The following HSPA12A variants were observed in gnomAD, a reference collection of about 807,000 sequenced individuals.
HSPA12A encodes heat shock 70 kDa protein 12A.
In HSPA12A, 28 loss-of-function variants were observed where a neutral mutation model predicts 69.2. That is an observed-to-expected ratio of 0.40 (90% confidence interval 0.30 to 0.55). The LOEUF (loss-of-function observed/expected upper bound fraction) is 0.55, where lower values mean the gene tolerates loss of function less well. HSPA12A is among the 20% of genes least tolerant of loss of function. The pLI, the probability that HSPA12A is intolerant of heterozygous loss-of-function variation, is 0.38. For missense variants in HSPA12A, 686 were observed against 900.7 expected (o/e 0.76, Z 3.05); for synonymous variants, 345 against 370.5 (o/e 0.93, Z 0.79).
intron 1 of HSPA12A, among the ~76,000 whole-genome samples, chr10:116,849,221 G>A (rs1223696689): frequency 6.6e-6 from 1 of 152,236 alleles, no homozygotes; most frequent in African/African-American, 2.4e-5. Flanking sequence ...TCGGAGCTAA[G>A]GCTGCCGCGC....
chr10:116,810,671 T>C (rs576251411), intron 2 of HSPA12A, among the ~76,000 whole-genome samples: 10 of 152,144 alleles, frequency 6.6e-5, no homozygotes, highest in Non-Finnish European at 1.5e-4. Flanking sequence ...CATGCAAAAA[T>C]TCTGGCCCCC....
chr10:116,748,595 G>A (rs1238846240), intron 2 of HSPA12A, among the ~76,000 whole-genome samples: 9 of 152,180 alleles, frequency 5.9e-5, no homozygotes, highest in African/African-American at 1.9e-4. Flanking sequence ...AAGAAAAAGA[G>A]GTTTGATGGA....
intron 1 of HSPA12A, among the ~76,000 whole-genome samples, chr10:116,739,452 C>T (rs967345945): frequency 1.3e-5 from 2 of 152,144 alleles, no homozygotes; most frequent in African/African-American, 4.8e-5. Context: ...TGCCAGGCCT[C>T]GAGAGATACC....
intron 1 of HSPA12A, among the ~76,000 whole-genome samples, chr10:116,838,404 C>T (rs1227926948): frequency 6.6e-6 from 1 of 151,932 alleles, no homozygotes; most frequent in African/African-American, 2.4e-5. Context: ...AGTTTTAACA[C>T]CGTTTCACCA....
intron 2 of HSPA12A, among the ~76,000 whole-genome samples, chr10:116,816,840 G>A (rs1040384006): frequency 1.3e-5 from 2 of 152,064 alleles, no homozygotes; most frequent in Non-Finnish European, 2.9e-5. Flanking sequence ...GTTACAAAAC[G>A]CTTCCAACAA....
At chr10:116,778,620 G>C (rs898350647) in intron 2 of HSPA12A, among the ~76,000 whole-genome samples, 1 of 152,332 alleles carries the variant, frequency 6.6e-6, no homozygotes, top group Admixed American at 6.5e-5. Context: ...GAAAGTCCAG[G>C]CTGGGCATGG....
At chr10:116,828,270 T>C (rs1845547819) in intron 2 of HSPA12A, among the ~76,000 whole-genome samples, 1 of 152,232 alleles carries the variant, frequency 6.6e-6, no homozygotes, top group Non-Finnish European at 1.5e-5. Context: ...ACCAAATGAC[T>C]TGGCAGTTCC....
At chr10:116,846,940 A>C (rs1275436973) in intron 1 of HSPA12A, among the ~76,000 whole-genome samples, 3 of 152,036 alleles carry the variant, frequency 2.0e-5, no homozygotes, top group Admixed American at 1.3e-4. Context: ...CCTTCCCTTT[A>C]TGTCCTAAAT....
intron 1 of HSPA12A, among the ~76,000 whole-genome samples, chr10:116,839,604 T>TA (rs59427633): frequency 0.15 from 8,833 of 58,948 alleles, 843 homozygotes; most frequent in Non-Finnish European, 0.2. Flanking sequence ...ATGCCTACCG[T>TA]AAAAAAAAAA....
intron 2 of HSPA12A, among the ~76,000 whole-genome samples, chr10:116,771,808 G>A (rs1459415130): frequency 2.0e-5 from 3 of 152,212 alleles, no homozygotes; most frequent in African/African-American, 7.2e-5. Context: ...TGGTGAGAGT[G>A]CACCCCCAAG....
At chr10:116,678,580 C>T (rs1301412498) in intron 10 of HSPA12A, among the ~76,000 whole-genome samples, 2 of 20,318 alleles carry the variant, frequency 9.8e-5, no homozygotes, top group Non-Finnish European at 9.9e-5. Context: ...GATGTTGGTA[C>T]AAAGTGAAAA....
At chr10:116,699,919 T>C (rs1290009466) in intron 4 of HSPA12A, among the ~76,000 whole-genome samples, 3 of 152,260 alleles carry the variant, frequency 2.0e-5, no homozygotes, top group Non-Finnish European at 2.9e-5. Flanking sequence ...GCTGCTGAGT[T>C]TCCCACTTAT....
intron 2 of HSPA12A, among the ~76,000 whole-genome samples, chr10:116,819,195 T>C (rs78491714): frequency 0.013 from 1,956 of 152,316 alleles, 34 homozygotes; most frequent in African/African-American, 0.041. Context: ...CAGCCTTTGC[T>C]TTCCTTTCTG....
At chr10:116,837,815 C>CA (rs544462723) in intron 1 of HSPA12A, among the ~76,000 whole-genome samples, 6,817 of 140,558 alleles carry the variant, frequency 0.048, 499 homozygotes, top group African/African-American at 0.16. Flanking sequence ...AAAAAGAATG[C>CA]AAAAAAAAAA....
chr10:116,831,471 G>C (rs1169642038), intron 2 of HSPA12A: 2 of 152,242 alleles, frequency 1.3e-5, no homozygotes, highest in Non-Finnish European at 2.9e-5. Context: ...AGCACAACCA[G>C]AGTGAGGGTT....
At chr10:116,764,726 T>C (rs1331448786) in intron 2 of HSPA12A, among the ~76,000 whole-genome samples, 5 of 152,088 alleles carry the variant, frequency 3.3e-5, no homozygotes, top group African/African-American at 1.2e-4. Flanking sequence ...TCAATTTAAA[T>C]CCAAAGGGTT....
intron 2 of HSPA12A, among the ~76,000 whole-genome samples, chr10:116,819,829 AT>A (rs1240639658): frequency 1.3e-5 from 2 of 152,012 alleles, no homozygotes; most frequent in Non-Finnish European, 1.5e-5. Context: ...AACTTATAGG[AT>A]TTTTTGGTTT....
chr10:116,710,273 G>A lies in HSPA12A; in HGVS notation c.41-2988C>T, dbSNP rs1850382678. Among the ~76,000 whole-genome samples the A allele has an allele frequency of 6.6e-6, 1 of 152,222 alleles. No individual in the cohort carries two copies. The highest frequency in any genetic ancestry group is 6.5e-5 in the Admixed American group (1 of 15,284). On this transcript the variant is annotated intron_variant, in intron 1 of 11. Transcript: ENST00000369209. The surrounding 1 kb of genome is among the most constrained non-coding windows in gnomAD (Gnocchi z 4.1). Reference sequence around the variant, plus strand: ...CCATGTGTCCACATTTGCACAGACGGTCCTGAAAGAAACCAAATGTCTAAT... The same window carrying A: ...CCATGTGTCCACATTTGCACAGACGATCCTGAAAGAAACCAAATGTCTAAT...
intron 2 of HSPA12A, among the ~76,000 whole-genome samples, chr10:116,810,097 C>G (rs1488071770): frequency 6.6e-6 from 1 of 152,192 alleles, no homozygotes; most frequent in Non-Finnish European, 1.5e-5. Flanking sequence ...GTGAAGGCAG[C>G]GCTCCAAGCC....
Sources: allele counts gnomAD v4.1 joint callset (sites outside exome capture counted in the v4.1 genomes callset), GRCh38; gene constraint gnomAD v4.1.1; non-coding constraint Gnocchi (gnomAD v3.1); transcripts MANE v1.5; gene names NCBI Gene and HGNC (gene_info 2026-07-23, HGNC 2026-07-21).